The following STAG1 variants were observed in gnomAD, a reference collection of about 807,000 sequenced individuals.
STAG1 encodes the protein STAG1 cohesin complex component, also known as cohesin subunit SA-1.
Under a neutral mutation model 170.9 loss-of-function variants are expected in STAG1, and 26 were observed. The observed-to-expected ratio is 0.15, with a 90% CI of 0.11 to 0.21. The LOEUF is 0.21. Ranked by LOEUF, STAG1 falls within the 10% of genes least tolerant of loss-of-function variation. The probability of loss-of-function intolerance (pLI) is 1.00; values close to 1 mark genes in which losing one functional copy is unlikely to be tolerated. For synonymous variants in STAG1, 514 were observed against 497.7 expected (o/e 1.03, Z -0.44); for missense variants, 964 against 1,509.5 (o/e 0.64, Z 5.99).
At chr3:136,548,652 T>C (rs541315329) in intron 5 of STAG1, among the ~76,000 whole-genome samples, 1 of 152,332 alleles carries the variant, frequency 6.6e-6, no homozygotes, top group Non-Finnish European at 1.5e-5. Flanking sequence ...AGTCTTCCAA[T>C]TCATGGATGT....
intron 21 of STAG1, among the ~76,000 whole-genome samples, chr3:136,414,484 T>C (rs1296951482): frequency 6.6e-6 from 1 of 152,226 alleles, no homozygotes; most frequent in Non-Finnish European, 1.5e-5. Flanking sequence ...CTGGCTCCAC[T>C]TCTAATTCTA....
chr3:136,647,589 T>TA (rs1274401488), intron 1 of STAG1, among the ~76,000 whole-genome samples: 1 of 152,048 alleles, frequency 6.6e-6, no homozygotes, highest in Non-Finnish European at 1.5e-5. Flanking sequence ...CAAAAATATT[T>TA]TTCCTTCAAA....
chr3:136,681,524 A>C (rs1289343495), intron 1 of STAG1, among the ~76,000 whole-genome samples: 1 of 152,168 alleles, frequency 6.6e-6, no homozygotes, highest in East Asian at 1.9e-4. Flanking sequence ...TAAGAGCTGA[A>C]ATACCAGGCT....
At position 136,697,212 on chromosome 3, in the gene STAG1, T is replaced by C. The variant is rs143579205; in HGVS notation, c.-84+54983A>G. ...TTAACATTTTTTACCTTGAAATCTA[T>C]TACACTTTCTATGTTGCTTATGAAC... On this transcript the variant is annotated intron_variant, in intron 1 of 33. Coordinates refer to ENST00000383202, the MANE Select transcript of STAG1 (RefSeq NM_005862.3). Among the ~76,000 whole-genome samples, 281 of 152,344 alleles carry C rather than the reference T, an allele frequency of 1.8e-3. 1 individual carries two copies. The highest frequency in any genetic ancestry group is 3.3e-3 in the Non-Finnish European group (224 of 68,024).
intron 4 of STAG1, among the ~76,000 whole-genome samples, chr3:136,589,638 A>AG (rs984394600): frequency 1.3e-5 from 2 of 150,986 alleles, no homozygotes; most frequent in Non-Finnish European, 3.0e-5. Context: ...CAAAAAAAAA[A>AG]AAAAAAAAAA....
At chr3:136,437,811 C>T (rs2088501948) in intron 15 of STAG1, among the ~76,000 whole-genome samples, 1 of 152,118 alleles carries the variant, frequency 6.6e-6, no homozygotes, top group Non-Finnish European at 1.5e-5. Context: ...GCTTTCATCC[C>T]CTATCCACAA....
chr3:136,733,974 G>A (rs1934189316), intron 1 of STAG1, among the ~76,000 whole-genome samples: 1 of 151,938 alleles, frequency 6.6e-6, no homozygotes, highest in Admixed American at 6.6e-5. Context: ...GGGTGTGGTG[G>A]CGGGCACCTG....
intron 9 of STAG1, among the ~76,000 whole-genome samples, chr3:136,491,181 G>A (rs1576525409): frequency 1.3e-5 from 2 of 151,960 alleles, no homozygotes; most frequent in African/African-American, 4.8e-5. Context: ...GCAGTGGCTT[G>A]ATCATAGTTC....
intron 28 of STAG1, among the ~76,000 whole-genome samples, chr3:136,354,659 T>C (rs1307677869): frequency 1.4e-5 from 2 of 147,522 alleles, no homozygotes; most frequent in African/African-American, 5.0e-5. Flanking sequence ...GGAAAATAAC[T>C]AAAAAAATAC....
At chr3:136,484,433 G>T (rs1298532327) in intron 9 of STAG1, among the ~76,000 whole-genome samples, 2 of 148,150 alleles carry the variant, frequency 1.3e-5, no homozygotes, top group Admixed American at 6.8e-5. Context: ...CAGTCTGCCC[G>T]TTCTCAGATC....
chr3:136,582,004 T>C (rs995989555), intron 4 of STAG1, among the ~76,000 whole-genome samples: 11 of 152,112 alleles, frequency 7.2e-5, no homozygotes, highest in Non-Finnish European at 1.3e-4. Context: ...AGAGTATATA[T>C]GAGTTAAATA....
At position 136,423,827 on chromosome 3, in the gene STAG1, T is replaced by C. The variant is rs564282020; in HGVS notation, c.1651-783A>G. 1.6e-4 allele frequency among the ~76,000 whole-genome samples: 25 copies of C among 152,206 alleles called. No homozygotes were observed. In the South Asian group the frequency reaches 2.9e-3, roughly 18 times the overall value. ...GTTTAAGAATATGTGCAAGAAGTAA[T>C]AGCACTGCCTATTTGATTGTTCAGT... is the stretch of plus-strand genomic sequence containing the variant. On this transcript the variant is annotated intron_variant, in intron 16 of 33. Transcript: ENST00000383202.
intron 16 of STAG1, among the ~76,000 whole-genome samples, chr3:136,425,970 T>C (rs1291089316): frequency 2.0e-5 from 3 of 151,556 alleles, no homozygotes; most frequent in Non-Finnish European, 2.9e-5. Flanking sequence ...TCTCTCAGTT[T>C]TTTTTTTCTA....
At chr3:136,565,728 G>C (rs181709381) in intron 5 of STAG1, among the ~76,000 whole-genome samples, 1 of 152,144 alleles carries the variant, frequency 6.6e-6, no homozygotes, top group Non-Finnish European at 1.5e-5. Context: ...ATTTGTTCAC[G>C]AATGTTCAAA....
intron 1 of STAG1, among the ~76,000 whole-genome samples, chr3:136,639,035 A>G (rs1940692289): frequency 6.6e-6 from 1 of 152,032 alleles, no homozygotes; most frequent in African/African-American, 2.4e-5. Flanking sequence ...CCTTATCCTA[A>G]ATCACCCTGC....
At chr3:136,399,007 T>C (rs2087245002) in intron 21 of STAG1, among the ~76,000 whole-genome samples, 178 bp from the exon 22 acceptor site, 1 of 152,142 alleles carries the variant, frequency 6.6e-6, no homozygotes, top group South Asian at 2.1e-4. Flanking sequence ...GACAAACCAA[T>C]GTATCAATCT....
intron 1 of STAG1, among the ~76,000 whole-genome samples, chr3:136,722,937 G>A (rs1373390157): frequency 1.3e-5 from 2 of 152,212 alleles, no homozygotes; most frequent in African/African-American, 2.4e-5. Context: ...TGAGTGATCC[G>A]CCAGCCTCGG....
chr3:136,423,370 G>C (rs192333925), intron 16 of STAG1, among the ~76,000 whole-genome samples: 1 of 152,266 alleles, frequency 6.6e-6, no homozygotes, highest in African/African-American at 2.4e-5. Context: ...TGTGTTAACA[G>C]TGATCTTCCT....
intron 1 of STAG1, among the ~76,000 whole-genome samples, chr3:136,667,844 A>G (rs1048723766): frequency 6.6e-6 from 1 of 152,044 alleles, no homozygotes; most frequent in Non-Finnish European, 1.5e-5. Flanking sequence ...ATGTCTTTAA[A>G]TACTTATTTT....
Sources: gnomAD v4.1 joint callset for allele counts (sites outside exome capture counted in the v4.1 genomes callset) on GRCh38, gnomAD v4.1.1 for gene constraint, MANE v1.5 for transcripts, NCBI Gene and HGNC (gene_info 2026-07-23, HGNC 2026-07-21) for gene names.